The following JAZF1 variants were observed in gnomAD, a reference collection of about 807,000 sequenced individuals.
The protein encoded by JAZF1 is JAZF zinc finger 1, also known as juxtaposed with another zinc finger protein 1.
In JAZF1, 8 loss-of-function variants were observed where a neutral mutation model predicts 26.4. That is an observed-to-expected ratio of 0.30 (90% CI 0.18 to 0.55). The LOEUF (loss-of-function observed/expected upper bound fraction) is 0.55, where lower values mean the gene tolerates loss of function less well. JAZF1 is among the 20% of genes least tolerant of loss of function. The pLI is 0.94. For missense variants in JAZF1, 199 were observed against 322.0 expected, an observed-to-expected ratio of 0.62 and a Z score of 2.92; for synonymous variants, 126 against 122.3, an observed-to-expected ratio of 1.03 and a Z score of -0.20.
At chr7:27,930,058 C>G (rs1313589356) in intron 2 of JAZF1, among the ~76,000 whole-genome samples, 1 of 151,574 alleles carries the variant, frequency 6.6e-6, no homozygotes, top group Non-Finnish European at 1.5e-5. Flanking sequence ...TCCAGTGGTG[C>G]GATCTCGGCT....
intron 2 of JAZF1, among the ~76,000 whole-genome samples, chr7:27,898,416 C>T (rs1437331937): frequency 6.6e-6 from 1 of 150,776 alleles, no homozygotes; most frequent in African/African-American, 2.4e-5. Flanking sequence ...AGCAATTCTC[C>T]TGCCTCAGCC....
At chr7:28,020,570 A>C (rs1332918689) in intron 1 of JAZF1, 2 of 471,096 alleles carry the variant, frequency 4.2e-6, no homozygotes, top group Middle Eastern at 3.2e-4. Context: ...TACGGCAGGC[A>C]TGGACATGCA....
chr7:27,903,443 C>A (rs947050501), intron 2 of JAZF1, among the ~76,000 whole-genome samples: 1 of 152,212 alleles, frequency 6.6e-6, no homozygotes, highest in Non-Finnish European at 1.5e-5. Flanking sequence ...AATCTGCCCA[C>A]TTTGGTCTCC....
At chr7:28,054,776 G>T (rs903205324) in intron 1 of JAZF1, among the ~76,000 whole-genome samples, 3 of 152,024 alleles carry the variant, frequency 2.0e-5, no homozygotes, top group African/African-American at 7.2e-5. Context: ...TCTTCCTGCT[G>T]TCTGGTTAAT....
intron 2 of JAZF1, among the ~76,000 whole-genome samples, chr7:27,940,760 C>A (rs927555415): frequency 6.6e-6 from 1 of 152,174 alleles, no homozygotes; most frequent in Non-Finnish European, 1.5e-5. Flanking sequence ...GCCTCTCAGT[C>A]CAATAAACAA....
At chr7:27,961,784 C>G (rs1785188974) in intron 2 of JAZF1, among the ~76,000 whole-genome samples, 1 of 152,188 alleles carries the variant, frequency 6.6e-6, no homozygotes, top group Admixed American at 6.5e-5. Flanking sequence ...CCGGACAGAG[C>G]AACACTGCAT....
intron 3 of JAZF1, among the ~76,000 whole-genome samples, chr7:27,893,498 C>A (rs897419100): frequency 8.5e-5 from 13 of 152,190 alleles, no homozygotes; most frequent in African/African-American, 2.9e-4. Context: ...TGGGGACCTG[C>A]CAGGCTGTCC....
chr7:28,063,717 T>G (rs1018871078), intron 1 of JAZF1, among the ~76,000 whole-genome samples: 1 of 152,182 alleles, frequency 6.6e-6, no homozygotes, highest in Non-Finnish European at 1.5e-5. Context: ...ATGTATTATT[T>G]GTAGTATATT....
chr7:28,133,411 A>C (rs979425982), intron 1 of JAZF1, among the ~76,000 whole-genome samples: 2 of 152,242 alleles, frequency 1.3e-5, no homozygotes, highest in African/African-American at 4.8e-5. Context: ...TCAGCTGCTT[A>C]GATAAAGGTC....
chr7:27,947,207 T>C (rs1190411794), intron 2 of JAZF1, among the ~76,000 whole-genome samples: 1 of 152,182 alleles, frequency 6.6e-6, no homozygotes, highest in African/African-American at 2.4e-5. Context: ...TCGTCAAGAG[T>C]CTACGTTTTT....
chr7:27,978,484 T>A (rs1298833750), intron 2 of JAZF1, among the ~76,000 whole-genome samples: 1 of 152,166 alleles, frequency 6.6e-6, no homozygotes, highest in Non-Finnish European at 1.5e-5. Context: ...TTTGTCCTTG[T>A]TTTTCCCAGA....
chr7:28,030,646 T>C (rs991635244), intron 1 of JAZF1, among the ~76,000 whole-genome samples: 1 of 152,252 alleles, frequency 6.6e-6, no homozygotes, highest in Non-Finnish European at 1.5e-5. Flanking sequence ...AAAAAGTACA[T>C]GAGTTACTAT....
chr7:27,877,583 A>G (rs1783700603), intron 3 of JAZF1, among the ~76,000 whole-genome samples: 1 of 152,200 alleles, frequency 6.6e-6, no homozygotes, highest in African/African-American at 2.4e-5. Flanking sequence ...ACACCTGTCT[A>G]GAAAGCCTTG....
chr7:27,971,599 G>A (rs1374199456), intron 2 of JAZF1, among the ~76,000 whole-genome samples: 1 of 152,064 alleles, frequency 6.6e-6, no homozygotes, highest in Non-Finnish European at 1.5e-5. Flanking sequence ...TCTACAAATG[G>A]GAATGCACTA....
chr7:28,037,414 C>G (rs968320204), intron 1 of JAZF1, among the ~76,000 whole-genome samples: 4 of 152,102 alleles, frequency 2.6e-5, no homozygotes, highest in African/African-American at 9.7e-5. Flanking sequence ...CCATTTTAAC[C>G]TTGGTCGAGT....
intron 2 of JAZF1, among the ~76,000 whole-genome samples, chr7:27,949,340 A>AT (rs1330154235): frequency 4.6e-5 from 7 of 152,132 alleles, no homozygotes; most frequent in Non-Finnish European, 1.0e-4. Context: ...CCCTCCTGTC[A>AT]TTCCCCAGTG....
In JAZF1 at chr7:28,048,275, GTTCCTA is replaced by G. The variant is rs1336918338; in HGVS notation, c.116-56300_116-56295del. 3.9e-5 allele frequency among the ~76,000 whole-genome samples: 6 copies of G among 152,262 alleles called. No homozygotes were observed. The East Asian group carries it at 1.2e-3, about 29-fold the overall frequency. ...TTACCCTCAAGTAAGCTTGCCAGGT[GTTCCTA>G]TTTTATCAACGTTTTCAAAGAGATT... On this transcript the variant is annotated intron_variant, in intron 1 of 4. Coordinates refer to ENST00000283928, the MANE Select transcript of JAZF1 (RefSeq NM_175061.4).
At chr7:27,899,842 G>T (rs918710597) in intron 2 of JAZF1, among the ~76,000 whole-genome samples, 1 of 152,156 alleles carries the variant, frequency 6.6e-6, no homozygotes, top group Non-Finnish European at 1.5e-5. Context: ...GGTCATTTAG[G>T]ATAGTGGCAG....
intron 2 of JAZF1, among the ~76,000 whole-genome samples, chr7:27,969,689 C>T (rs1785342370): frequency 1.3e-5 from 2 of 152,130 alleles, no homozygotes; most frequent in Admixed American, 1.3e-4. Context: ...CAAGCTAGCA[C>T]TTCAATTATT....
Sources: allele counts gnomAD v4.1 joint callset (sites outside exome capture counted in the v4.1 genomes callset), GRCh38; gene constraint gnomAD v4.1.1; transcripts MANE v1.5; gene names NCBI Gene and HGNC (gene_info 2026-07-23, HGNC 2026-07-21).